The following CREG2 variants were observed in gnomAD, a reference collection of about 807,000 sequenced individuals.
CREG2 encodes the protein protein CREG2.
Under a neutral mutation model 26.2 loss-of-function variants are expected in CREG2, and 24 were observed. The observed-to-expected ratio is 0.92, with a 90% CI of 0.66 to 1.29. The LOEUF (loss-of-function observed/expected upper bound fraction) is 1.29, where lower values mean the gene tolerates loss of function less well. Among genes scored for constraint, CREG2 ranks in the 50% most tolerant of loss-of-function variants. CREG2 has a pLI of 0.00. For missense variants in CREG2, 366 were observed against 398.6 expected, an observed-to-expected ratio of 0.92 and a Z score of 0.70; for synonymous variants, 174 against 169.2, an observed-to-expected ratio of 1.03 and a Z score of -0.22.
At chr2:101,374,641 A>T (rs570670423) in intron 2 of CREG2, among the ~76,000 whole-genome samples, 1 of 152,248 alleles carries the variant, frequency 6.6e-6, no homozygotes, top group Non-Finnish European at 1.5e-5. Flanking sequence ...GGCTCTTAGC[A>T]AGCCAGCTGC....
chr2:101,379,327 C>T (rs1054933432), intron 2 of CREG2, among the ~76,000 whole-genome samples: 14 of 152,326 alleles, frequency 9.2e-5, no homozygotes, highest in African/African-American at 3.1e-4. Flanking sequence ...CATTTAAAAA[C>T]TCTTTAAGGT....
chr2:101,355,180 A>T, intron 3 of CREG2, 73 bp downstream of exon 3: 1 of 984,946 alleles, frequency 1.0e-6, no homozygotes, highest in Non-Finnish European at 1.6e-6. Flanking sequence ...AGAGGCATCT[A>T]ATGGCACAGC....
chr2:101,381,786 G>C (rs2104486098), intron 2 of CREG2, among the ~76,000 whole-genome samples: 1 of 152,336 alleles, frequency 6.6e-6, no homozygotes, highest in East Asian at 1.9e-4. Flanking sequence ...GCCTCACCCA[G>C]TTAGCCAGGG....
At chr2:101,367,743 A>G (rs1684639709) in intron 2 of CREG2, among the ~76,000 whole-genome samples, 1 of 152,242 alleles carries the variant, frequency 6.6e-6, no homozygotes, top group South Asian at 2.1e-4. Flanking sequence ...AGTGGGCCCA[A>G]TATAAACAGA....
At chr2:101,370,185 C>T (rs1366393510) in intron 2 of CREG2, among the ~76,000 whole-genome samples, 1 of 152,184 alleles carries the variant, frequency 6.6e-6, no homozygotes, top group African/African-American at 2.4e-5. Context: ...TGTCTTGGGA[C>T]TCTTATAAGA....
At chr2:101,366,081 A>C (rs1684612716) in intron 2 of CREG2, among the ~76,000 whole-genome samples, 1 of 152,216 alleles carries the variant, frequency 6.6e-6, no homozygotes, top group Admixed American at 6.5e-5. Flanking sequence ...CGAATGCCTC[A>C]GGGAAATCCA....
At chr2:101,373,623 A>T (rs977093451) in intron 2 of CREG2, among the ~76,000 whole-genome samples, 1 of 152,224 alleles carries the variant, frequency 6.6e-6, no homozygotes, top group African/African-American at 2.4e-5. Context: ...TGGTCAGAAG[A>T]TGGAGGAAAA....
intron 2 of CREG2, among the ~76,000 whole-genome samples, chr2:101,357,488 T>C (rs1684478931): frequency 6.6e-6 from 1 of 152,214 alleles, no homozygotes. Flanking sequence ...TTGTGCCTTA[T>C]GCTGTTGCAA....
chr2:101,378,883 G>C (rs1684828600), intron 2 of CREG2, among the ~76,000 whole-genome samples: 1 of 152,048 alleles, frequency 6.6e-6, no homozygotes, highest in African/African-American at 2.4e-5. Context: ...GTGGGTGTCT[G>C]TAATCCCAGC....
At chr2:101,363,850 A>AC (rs1165406824) in intron 2 of CREG2, among the ~76,000 whole-genome samples, 32 of 98,622 alleles carry the variant, frequency 3.2e-4, no homozygotes, top group Admixed American at 9.6e-4. Context: ...ACCCTGTCTC[A>AC]AACACACACA....
rs1326825701 is a variant in CREG2 at position 101,348,126 on chromosome 2, A to G, written c.*2797T>C. On this transcript the variant is annotated 3_prime_UTR_variant, in exon 4 of 4. Transcript: ENST00000324768. ...CAGTTGAGCATATTTGTGTGGGCCT[A>G]TTTCTAGATTCCCTATTCTGTTCCA... The G allele has an allele frequency of 6.6e-6, 1 of 152,190 alleles. No individual in the cohort carries two copies. 9.4% of individuals were successfully genotyped at this position (152,190 alleles called of 1,614,324 possible). A position where few individuals can be genotyped will look rare whatever the true frequency, so the allele number is the denominator to read the frequency against.
intron 2 of CREG2, among the ~76,000 whole-genome samples, chr2:101,367,119 A>C (rs1684628951): frequency 6.6e-6 from 1 of 151,938 alleles, no homozygotes; most frequent in East Asian, 1.9e-4. Context: ...ACATTTCCTT[A>C]CTCATCTTGG....
intron 2 of CREG2, among the ~76,000 whole-genome samples, chr2:101,357,420 G>A (rs1349400874): frequency 1.3e-5 from 2 of 152,150 alleles, no homozygotes; most frequent in African/African-American, 2.4e-5. Flanking sequence ...TTCTCCAAAT[G>A]TCATTTAGAG....
chr2:101,359,135 A>C (rs949336458), intron 2 of CREG2, among the ~76,000 whole-genome samples: 2 of 151,684 alleles, frequency 1.3e-5, no homozygotes, highest in African/African-American at 2.4e-5. Flanking sequence ...TAGGGCAGGA[A>C]TGAAAGGAAG....
At chr2:101,370,401 CA>C (rs1684686242) in intron 2 of CREG2, among the ~76,000 whole-genome samples, 1 of 152,190 alleles carries the variant, frequency 6.6e-6, no homozygotes. Flanking sequence ...AAACTTTACA[CA>C]AATTGAAACG....
At chr2:101,373,839 C>T (rs1684749013) in intron 2 of CREG2, among the ~76,000 whole-genome samples, 1 of 152,136 alleles carries the variant, frequency 6.6e-6, no homozygotes, top group African/African-American at 2.4e-5. Flanking sequence ...TTACAAAGTT[C>T]TCTGACTCTT....
At chr2:101,375,587 AGT>A (rs1380085593) in intron 2 of CREG2, 6 of 167,596 alleles carry the variant, frequency 3.6e-5, no homozygotes, top group African/African-American at 1.4e-4. Flanking sequence ...AGCCCTCAGG[AGT>A]GAGGTGGCTG....
rs1209496193 is a variant in CREG2, at chr2:101,349,853, A to C, written c.*1070T>G. On this transcript the variant is annotated 3_prime_UTR_variant, in exon 4 of 4. Transcript: ENST00000324768. ...CAATTTCTACCCATGCATTTCAATA[A>C]CTCTTTTGTTGTTAAAACTGGATGT... 1 of 151,778 alleles carries C rather than the reference A, an allele frequency of 6.6e-6. No homozygotes were observed. Among genetic ancestry groups the C allele is most frequent in the Non-Finnish European group, 1.5e-5 (1 of 67,976 alleles). The allele number at this position is 151,778 out of a possible 1,614,324, so 9.4% of individuals were successfully genotyped here.
intron 2 of CREG2, among the ~76,000 whole-genome samples, chr2:101,367,049 C>A (rs1055405222): frequency 6.6e-6 from 1 of 152,070 alleles, no homozygotes; most frequent in Non-Finnish European, 1.5e-5. Flanking sequence ...GTTCCTGGAA[C>A]CAATTGCCCA....
Sources: allele counts gnomAD v4.1 joint callset (sites outside exome capture counted in the v4.1 genomes callset), GRCh38; gene constraint gnomAD v4.1.1; transcripts MANE v1.5; gene names NCBI Gene and HGNC (gene_info 2026-07-23, HGNC 2026-07-21).